The following PDLIM5 variants were observed in gnomAD, a reference collection of about 807,000 sequenced individuals.
PDLIM5 encodes the protein PDZ and LIM domain 5, also known as PDZ and LIM domain protein 5.
A neutral mutation model predicts 64.2 loss-of-function variants in PDLIM5; 34 were observed. That is an observed-to-expected ratio of 0.53 (90% CI 0.40 to 0.71). The LOEUF (loss-of-function observed/expected upper bound fraction) is 0.71, where lower values mean the gene tolerates loss of function less well. PDLIM5 is among the 30% of genes least tolerant of loss of function. The pLI, the probability that PDLIM5 is intolerant of heterozygous loss-of-function variation, is 0.00. For synonymous variants in PDLIM5, 253 were observed against 269.1 expected, an observed-to-expected ratio of 0.94 and a Z score of 0.59; for missense variants, 683 against 733.6, an observed-to-expected ratio of 0.93 and a Z score of 0.80.
chr4:94,630,760 A>G (rs909501365), intron 8 of PDLIM5, among the ~76,000 whole-genome samples: 4 of 152,198 alleles, frequency 2.6e-5, no homozygotes, highest in Admixed American at 2.6e-4. Context: ...TAAGGAATCA[A>G]AATGTATTTT....
At chr4:94,646,333 C>G (rs1227833101) in intron 9 of PDLIM5, among the ~76,000 whole-genome samples, 3 of 152,152 alleles carry the variant, frequency 2.0e-5, no homozygotes, top group Non-Finnish European at 4.4e-5. Flanking sequence ...AATTGAGACA[C>G]TGACACATAT....
intron 2 of PDLIM5, among the ~76,000 whole-genome samples, chr4:94,469,782 A>C (rs1052224131): frequency 1.3e-5 from 2 of 152,156 alleles, no homozygotes; most frequent in Admixed American, 6.6e-5. Context: ...GCAAGAATTT[A>C]AAATTTTTTT....
intron 3 of PDLIM5, among the ~76,000 whole-genome samples, chr4:94,552,497 A>G (rs1298710450): frequency 6.6e-6 from 1 of 152,042 alleles, no homozygotes; most frequent in African/African-American, 2.4e-5. Flanking sequence ...TTAAATTCCA[A>G]CTCTATAAAT....
intron 9 of PDLIM5, among the ~76,000 whole-genome samples, chr4:94,653,284 T>C (rs899214486): frequency 3.9e-5 from 6 of 152,178 alleles, no homozygotes; most frequent in African/African-American, 1.4e-4. Context: ...CTTCTCCATC[T>C]GTTAAACTGA....
At chr4:94,587,119 C>T (rs1736289678) in intron 7 of PDLIM5, 3 of 1,567,492 alleles carry the variant, frequency 1.9e-6, no homozygotes, top group Middle Eastern at 1.7e-4. Context: ...CAGCACATAC[C>T]TTTTCATTTA....
chr4:94,494,432 G>GTTTTTTTTTGTTTTTTTTTTTT (rs1727170108), intron 2 of PDLIM5, among the ~76,000 whole-genome samples: 1 of 70,770 alleles, frequency 1.4e-5, no homozygotes, highest in African/African-American at 4.4e-5. Context: ...TTTTTTTCTT[G>GTTTTTTTTTGTTTTTTTTTTTT]TTTTTTTTTT....
At chr4:94,649,658 T>G (rs955189397) in intron 9 of PDLIM5, among the ~76,000 whole-genome samples, 12 of 152,268 alleles carry the variant, frequency 7.9e-5, no homozygotes, top group African/African-American at 2.9e-4. Flanking sequence ...TTGCATTTAG[T>G]AAAGTCTTGC....
intron 2 of PDLIM5, among the ~76,000 whole-genome samples, chr4:94,458,899 T>G (rs1239487340): frequency 6.6e-6 from 1 of 152,192 alleles, no homozygotes; most frequent in African/African-American, 2.4e-5. Flanking sequence ...CCTGCTAGCT[T>G]TTTAAAAAGA....
chr4:94,654,814 C>T (rs1254981245), intron 10 of PDLIM5, among the ~76,000 whole-genome samples, 174 bp downstream of exon 10: 1 of 152,128 alleles, frequency 6.6e-6, no homozygotes, highest in Non-Finnish European at 1.5e-5. Flanking sequence ...GGAAATATAT[C>T]GGACTCATGG....
At position 94,665,759 on chromosome 4, in the gene PDLIM5, G is replaced by C. The variant is rs1351154818; in HGVS notation, c.*1692G>C. The stretch of plus-strand genomic sequence containing the variant: ...ATGTGATGAAATTGAGACTTTTTGT[G>C]GTTTTCTCTCAATAATAAGTGAACC... On this transcript the variant is annotated 3_prime_UTR_variant, in exon 13 of 13. Coordinates refer to ENST00000317968, the MANE Select transcript of PDLIM5 (RefSeq NM_006457.5). 5.6e-6 allele frequency: 7 copies of C among 1,240,934 alleles called. No individual in the cohort carries two copies. Among genetic ancestry groups the C allele is most frequent in the Non-Finnish European group, 6.0e-6 (6 of 992,510 alleles). The allele number at this position is 1,240,934 out of a possible 1,614,324, so 76.9% of individuals were successfully genotyped here. A position where few individuals can be genotyped will look rare whatever the true frequency, so the allele number is the denominator to read the frequency against.
intron 2 of PDLIM5, among the ~76,000 whole-genome samples, chr4:94,521,290 A>G (rs1053436201): frequency 1.3e-5 from 2 of 152,160 alleles, no homozygotes; most frequent in Non-Finnish European, 2.9e-5. Context: ...GGAGACAAAT[A>G]TGGAGAATGT....
chr4:94,585,179 A>G (rs1710631427), intron 5 of PDLIM5, among the ~76,000 whole-genome samples: 1 of 152,034 alleles, frequency 6.6e-6, no homozygotes, highest in Non-Finnish European at 1.5e-5. Flanking sequence ...CAACCTCCAC[A>G]TCCCAGGTTC....
intron 3 of PDLIM5, among the ~76,000 whole-genome samples, chr4:94,541,249 G>A (rs1731781807): frequency 6.6e-6 from 1 of 152,158 alleles, no homozygotes; most frequent in South Asian, 2.1e-4. Flanking sequence ...TGTCGTCCAT[G>A]TAAAACCTCA....
chr4:94,545,550 A>G (rs904071844), intron 3 of PDLIM5, among the ~76,000 whole-genome samples: 7 of 152,200 alleles, frequency 4.6e-5, no homozygotes, highest in African/African-American at 1.7e-4. Flanking sequence ...TACTTTTGGC[A>G]TTTTGTGGCT....
chr4:94,585,479 TA>T, intron 5 of PDLIM5, 85 bp from the exon 6 acceptor site: 1 of 776,276 alleles, frequency 1.3e-6, no homozygotes, highest in Non-Finnish European at 1.9e-6. Context: ...ATTAATCATA[TA>T]AATTATAAAT....
chr4:94,524,980 T>C (rs1452821122), intron 3 of PDLIM5, among the ~76,000 whole-genome samples: 1 of 152,180 alleles, frequency 6.6e-6, no homozygotes, highest in African/African-American at 2.4e-5. Context: ...TAAGCAAATC[T>C]TGTTTTTGAT....
chr4:94,625,476 A>G (rs1739594040), intron 8 of PDLIM5, among the ~76,000 whole-genome samples: 2 of 150,078 alleles, frequency 1.3e-5, no homozygotes, highest in African/African-American at 4.9e-5. Flanking sequence ...TTTTTGAGAC[A>G]GAGTCTCTCT....
In PDLIM5 at chr4:94,665,972, C is replaced by T; in HGVS notation, c.*1905C>T. The T allele has an allele frequency of 6.5e-7, 1 of 1,530,162 alleles. No individual in the cohort carries two copies. Among genetic ancestry groups the T allele is most frequent in the East Asian group, 2.5e-5 (1 of 40,798 alleles). The allele number at this position is 1,530,162 out of a possible 1,614,324, so 94.8% of individuals were successfully genotyped here. A position where few individuals can be genotyped will look rare whatever the true frequency, so the allele number is the denominator to read the frequency against. On this transcript the variant is annotated 3_prime_UTR_variant, in exon 13 of 13. Coordinates refer to ENST00000317968, the MANE Select transcript of PDLIM5 (RefSeq NM_006457.5). ...AACTGTGGATCCTGTTGCTATTTGC[C>T]CAGTGAGAAAACAGATTCTGGTATT...
chr4:94,558,002 C>T (rs1342392407), intron 3 of PDLIM5, among the ~76,000 whole-genome samples: 7 of 152,258 alleles, frequency 4.6e-5, no homozygotes, highest in African/African-American at 1.7e-4. Context: ...AAAGGGAATG[C>T]TTCCAGTTTT....
Sources: allele counts gnomAD v4.1 joint callset (sites outside exome capture counted in the v4.1 genomes callset), GRCh38; gene constraint gnomAD v4.1.1; transcripts MANE v1.5; gene names NCBI Gene and HGNC (gene_info 2026-07-23, HGNC 2026-07-21).